CNTNAP5: variants seen among roughly 807,000 people sequenced by gnomAD.
CNTNAP5 encodes contactin-associated protein-like 5.
A neutral mutation model predicts 150.2 loss-of-function variants in CNTNAP5; 72 were observed. The observed-to-expected ratio is 0.48, with a 90% CI of 0.40 to 0.58. CNTNAP5 has a LOEUF of 0.58. CNTNAP5 is among the 20% of genes least tolerant of loss of function. CNTNAP5 has a pLI of 0.00. For synonymous variants in CNTNAP5, 672 were observed against 619.8 expected (o/e 1.08, Z -1.25); for missense variants, 1,636 against 1,626.2 (o/e 1.01, Z -0.10).
At chr2:124,159,084 T>C (rs906535664) in intron 1 of CNTNAP5, among the ~76,000 whole-genome samples, 1 of 152,220 alleles carries the variant, frequency 6.6e-6, no homozygotes, top group African/African-American at 2.4e-5. Context: ...ACATGCATAG[T>C]CCCTTAACAG....
rs879324364 is a variant in CNTNAP5, at chr2:124,759,381, T to G, written c.2235-4291T>G. 1.0e-3 allele frequency among the ~76,000 whole-genome samples: 147 copies of G among 146,882 alleles called. 1 individual carries two copies. The highest frequency in any genetic ancestry group is 3.2e-3 in the Admixed American group (47 of 14,608). ...ATATTCATTATATATATTTATTATA[T>G]ATATATAAATTATATATATATCTAT... On this transcript the variant is annotated intron_variant, in intron 14 of 23. Transcript: ENST00000682447.
chr2:124,169,081 G>C (rs988981994), intron 1 of CNTNAP5, among the ~76,000 whole-genome samples: 1 of 150,320 alleles, frequency 6.7e-6, no homozygotes, highest in African/African-American at 2.4e-5. Flanking sequence ...GTTTCTTGAT[G>C]CTGCTTCTTT....
At chr2:124,809,952 A>G (rs979630252) in intron 19 of CNTNAP5, among the ~76,000 whole-genome samples, 1 of 152,196 alleles carries the variant, frequency 6.6e-6, no homozygotes, top group Non-Finnish European at 1.5e-5. Flanking sequence ...TAGATGAATC[A>G]GGAGTCAGAC....
chr2:124,235,508 C>T (rs1686726055), intron 2 of CNTNAP5, among the ~76,000 whole-genome samples: 1 of 152,122 alleles, frequency 6.6e-6, no homozygotes, highest in Non-Finnish European at 1.5e-5. Context: ...AAAACCCCAG[C>T]TCCCTCCCAC....
chr2:124,917,473 T>C lies in CNTNAP5; in HGVS notation c.*3185T>C, dbSNP rs991769080. ...GAGAAATAGACATTTGTCATTTCTA[T>C]AGACATATTTTTATGACTAACTTTG... On this transcript the variant is annotated 3_prime_UTR_variant, in exon 24 of 24. Coordinates refer to ENST00000682447, the MANE Select transcript of CNTNAP5 (RefSeq NM_001367498.1). Among the ~76,000 whole-genome samples, 21 of 152,144 alleles carry C rather than the reference T, an allele frequency of 1.4e-4. No individual in the cohort carries two copies. The highest frequency in any genetic ancestry group is 2.6e-4 in the Non-Finnish European group (18 of 67,994).
At chr2:124,216,999 C>G (rs898727342) in intron 1 of CNTNAP5, among the ~76,000 whole-genome samples, 8 of 152,102 alleles carry the variant, frequency 5.3e-5, no homozygotes, top group Admixed American at 2.0e-4. Context: ...AGTTTACGGT[C>G]CCACCAACAG....
At chr2:124,239,538 C>T (rs963941955) in intron 2 of CNTNAP5, among the ~76,000 whole-genome samples, 14 of 151,992 alleles carry the variant, frequency 9.2e-5, no homozygotes, top group Admixed American at 2.6e-4. Context: ...AAATTCTCAG[C>T]TTATAAAAGA....
chr2:124,612,291 G>GTT (rs1274759847), intron 12 of CNTNAP5, among the ~76,000 whole-genome samples: 3 of 151,974 alleles, frequency 2.0e-5, no homozygotes, highest in Non-Finnish European at 4.4e-5. Context: ...GAATGTGTAT[G>GTT]TTATATATAT....
intron 5 of CNTNAP5, among the ~76,000 whole-genome samples, chr2:124,442,121 A>C (rs1030379239): frequency 6.6e-6 from 1 of 152,160 alleles, no homozygotes; most frequent in African/African-American, 2.4e-5. Context: ...GGATGCAATG[A>C]GAGTGGCAAA....
At chr2:124,383,760 G>T (rs1690861728) in intron 3 of CNTNAP5, among the ~76,000 whole-genome samples, 1 of 152,030 alleles carries the variant, frequency 6.6e-6, no homozygotes, top group Admixed American at 6.6e-5. Context: ...ATAACTCTCG[G>T]GTTACAGCAA....
chr2:124,703,696 G>C (rs575363900), intron 13 of CNTNAP5, among the ~76,000 whole-genome samples: 1 of 152,160 alleles, frequency 6.6e-6, no homozygotes, highest in South Asian at 2.1e-4. Context: ...CCCAGGCAAA[G>C]GGAGGCTTTA....
chr2:124,812,064 T>G (rs1682241328), intron 19 of CNTNAP5, among the ~76,000 whole-genome samples: 1 of 93,620 alleles, frequency 1.1e-5, no homozygotes, highest in African/African-American at 4.6e-5. Flanking sequence ...TATTATATAA[T>G]ATATAATTTA....
intron 3 of CNTNAP5, among the ~76,000 whole-genome samples, chr2:124,292,302 C>A (rs1688316388): frequency 6.6e-6 from 1 of 152,026 alleles, no homozygotes; most frequent in Admixed American, 6.6e-5. Context: ...GCACCAAAAG[C>A]CTTCAGCTTT....
chr2:124,741,741 G>A (rs1423859927), intron 13 of CNTNAP5, among the ~76,000 whole-genome samples: 2 of 152,066 alleles, frequency 1.3e-5, no homozygotes, highest in Non-Finnish European at 2.9e-5. Flanking sequence ...TTCAAGTATA[G>A]GAGTCTATAT....
chr2:124,858,748 A>G (rs1677440887), intron 19 of CNTNAP5, among the ~76,000 whole-genome samples: 1 of 152,192 alleles, frequency 6.6e-6, no homozygotes, highest in South Asian at 2.1e-4. Flanking sequence ...ACCAGAGAAA[A>G]CTTCAAATAA....
At chr2:124,516,254 A>T (rs1573429220) in intron 8 of CNTNAP5, among the ~76,000 whole-genome samples, 1 of 152,172 alleles carries the variant, frequency 6.6e-6, no homozygotes, top group African/African-American at 2.4e-5. Flanking sequence ...ACATTTTCAG[A>T]CTTCCTTATT....
At position 124,647,910 on chromosome 2, in the gene CNTNAP5, C is replaced by T. The variant is rs1678240121; in HGVS notation, c.2029C>T (p.Gln677Ter). Residue 677 changes from glutamine to a stop codon, truncating the protein, a stop_gained, in exon 13 of 24, where the codon CAG (glutamine) becomes TAG (stop). Coordinates refer to ENST00000682447, the MANE Select transcript of CNTNAP5 (RefSeq NM_001367498.1). LOFTEE classifies it high-confidence loss of function. ...GATCGACGGCTCTGAGCACTGTGAG[C>T]AGGAGGTGGCCTACCACTGCAGGAG... ...AVIDGSEHCE[Q>*]EVAYHCRRSR... 6.2e-7 allele frequency: 1 copy of T among 1,609,490 alleles called. No individual in the cohort carries two copies. The highest frequency in any genetic ancestry group is 8.5e-7 in the Non-Finnish European group (1 of 1,178,330).
intron 1 of CNTNAP5, among the ~76,000 whole-genome samples, chr2:124,040,330 A>G (rs1478486538): frequency 6.6e-6 from 1 of 152,120 alleles, no homozygotes; most frequent in Non-Finnish European, 1.5e-5. Context: ...TACACATTGG[A>G]TTAGTGAGCA....
At chr2:124,636,797 A>G (rs1443179993) in intron 12 of CNTNAP5, among the ~76,000 whole-genome samples, 4 of 151,932 alleles carry the variant, frequency 2.6e-5, no homozygotes, top group Non-Finnish European at 5.9e-5. Flanking sequence ...TTTTATTCCT[A>G]AATGTCCAAA....
Sources: gnomAD v4.1 joint callset for allele counts (sites outside exome capture counted in the v4.1 genomes callset) on GRCh38, gnomAD v4.1.1 for gene constraint, MANE v1.5 for transcripts, NCBI Gene and HGNC (gene_info 2026-07-23, HGNC 2026-07-21) for gene names.